CDK14: variants seen among roughly 807,000 people sequenced by gnomAD.
CDK14 encodes the protein cyclin-dependent kinase 14.
CDK14 carries 34 observed loss-of-function variants against 60.7 expected under a neutral mutation model. That is an observed-to-expected ratio of 0.56 (90% confidence interval 0.43 to 0.75). CDK14 has a LOEUF of 0.75. Ranked by LOEUF, CDK14 falls within the 30% of genes least tolerant of loss-of-function variation. The pLI is 0.00. For missense variants in CDK14, 482 were observed against 564.1 expected, an observed-to-expected ratio of 0.85 and a Z score of 1.47; for synonymous variants, 197 against 203.7, an observed-to-expected ratio of 0.97 and a Z score of 0.28.
At chr7:91,037,397 A>C (rs1584254934) in intron 10 of CDK14, among the ~76,000 whole-genome samples, 1 of 152,260 alleles carries the variant, frequency 6.6e-6, no homozygotes, top group East Asian at 1.9e-4. Context: ...ATAGACATAC[A>C]CGTATGTATG....
intron 8 of CDK14, among the ~76,000 whole-genome samples, chr7:90,918,792 A>G (rs533277341): frequency 6.6e-6 from 1 of 152,322 alleles, no homozygotes; most frequent in South Asian, 2.1e-4. Flanking sequence ...TATTTATTTC[A>G]AGGTTAGTAG....
intron 2 of CDK14, chr7:90,608,699 G>A (rs1799472338): frequency 1.0e-5 from 2 of 194,924 alleles, no homozygotes; most frequent in Admixed American, 6.5e-5. Context: ...GGGTGACCGT[G>A]TATGAGTTTT....
chr7:91,054,088 A>ATTTTTTTTTTTTTTTTT (rs10675646), intron 11 of CDK14, among the ~76,000 whole-genome samples: 1 of 112,972 alleles, frequency 8.9e-6, no homozygotes, highest in Non-Finnish European at 1.7e-5. Flanking sequence ...CTGCAAAATA[A>ATTTTTTTTTTTTTTTTT]TTTTTTTTTT....
chr7:90,623,776 CT>C (rs2116380394), intron 2 of CDK14, among the ~76,000 whole-genome samples: 1 of 152,134 alleles, frequency 6.6e-6, no homozygotes, highest in African/African-American at 2.4e-5. Context: ...GTTTTCAAGC[CT>C]TTTATTTAAA....
At chr7:90,774,039 A>T (rs924338682) in intron 4 of CDK14, among the ~76,000 whole-genome samples, 3 of 151,354 alleles carry the variant, frequency 2.0e-5, no homozygotes, top group Non-Finnish European at 4.4e-5. Flanking sequence ...GAGTAGCTGG[A>T]ATTACAGGCG....
intron 10 of CDK14, among the ~76,000 whole-genome samples, chr7:91,008,424 C>G (rs1029817114): frequency 6.6e-6 from 1 of 152,130 alleles, no homozygotes; most frequent in Non-Finnish European, 1.5e-5. Flanking sequence ...TTCTTAAATT[C>G]AGACTGCATT....
Position 91,045,963 on chromosome 7 carries a change from A to G in CDK14, c.1105+3A>G. On this transcript the variant is annotated splice_donor_region_variant and intron_variant, in intron 11 of 14. Coordinates refer to ENST00000380050, the MANE Select transcript of CDK14 (RefSeq NM_001287135.2). ...TTCTTTACCACATTTTAAGCCAGGT[A>G]TGTTTCATTAATTACAGATGACTAG... is the stretch of plus-strand genomic sequence containing the variant. 1 of 1,591,608 alleles carries G rather than the reference A, an allele frequency of 6.3e-7. No homozygotes were observed. The highest frequency in any genetic ancestry group is 8.6e-7 in the Non-Finnish European group (1 of 1,159,572).
intron 4 of CDK14, among the ~76,000 whole-genome samples, chr7:90,772,323 A>G (rs994969187): frequency 6.6e-6 from 1 of 152,224 alleles, no homozygotes; most frequent in African/African-American, 2.4e-5. Context: ...GCCATGAAAC[A>G]TTATGAAAGA....
intron 2 of CDK14, among the ~76,000 whole-genome samples, chr7:90,611,482 A>G (rs919510687): frequency 6.6e-6 from 1 of 152,148 alleles, no homozygotes; most frequent in Non-Finnish European, 1.5e-5. Context: ...CAGCCACATG[A>G]TTTTCCAAGC....
At chr7:90,913,013 G>A (rs1412933735) in intron 7 of CDK14, among the ~76,000 whole-genome samples, 1 of 152,108 alleles carries the variant, frequency 6.6e-6, no homozygotes, top group African/African-American at 2.4e-5. Flanking sequence ...TTCCAATGGT[G>A]TTTACCAGGT....
chr7:90,649,236 GTTTCTTTCTTTCTTTCTTTC>G lies in CDK14; in HGVS notation c.123+45044_123+45063del, dbSNP rs1167505193. On this transcript the variant is annotated intron_variant, in intron 2 of 14. Coordinates refer to ENST00000380050, the MANE Select transcript of CDK14 (RefSeq NM_001287135.2). ...GAGTCAGCAACAGCTCTAGCCTATA[GTTTCTTTCTTTCTTTCTTTC>G]TTTCTTTCTTTCTTTCTTTCTTTCT... Among the ~76,000 whole-genome samples the G allele has an allele frequency of 1.6e-3, 187 of 118,816 alleles. 2 individuals carry two copies. Among genetic ancestry groups the G allele is most frequent in the Admixed American group, 4.0e-3 (46 of 11,376 alleles). The allele number at this position is 118,816 out of a possible 152,430, so 77.9% of individuals were successfully genotyped here.
At chr7:90,627,308 C>T (rs901824653) in intron 2 of CDK14, among the ~76,000 whole-genome samples, 3 of 151,904 alleles carry the variant, frequency 2.0e-5, no homozygotes, top group Non-Finnish European at 4.4e-5. Flanking sequence ...CTCCCAAGCT[C>T]AAGTGATTTT....
Position 90,725,623 on chromosome 7 carries a change from A to G in CDK14, c.124-944A>G, listed in dbSNP as rs117405655. Reference sequence around the variant, plus strand: ...GGGAACTTTTTATAAGAAGAAAAGCATTCTAAAAACAATTTTATTTAGAGT... The same window carrying G: ...GGGAACTTTTTATAAGAAGAAAAGCGTTCTAAAAACAATTTTATTTAGAGT... On this transcript the variant is annotated intron_variant, in intron 2 of 14. Transcript: ENST00000380050. Among the ~76,000 whole-genome samples, 790 of 152,318 alleles carry G rather than the reference A, an allele frequency of 5.2e-3. 3 individuals carry two copies. Among genetic ancestry groups the G allele is most frequent in the Middle Eastern group, 0.01 (3 of 294 alleles).
chr7:90,653,601 A>C (rs1010859071), intron 2 of CDK14, among the ~76,000 whole-genome samples: 1 of 152,088 alleles, frequency 6.6e-6, no homozygotes, highest in Admixed American at 6.6e-5. Flanking sequence ...TGAATGCATC[A>C]TGCCCAATTT....
At chr7:91,113,635 A>G (rs932280561) in intron 13 of CDK14, among the ~76,000 whole-genome samples, 1 of 152,144 alleles carries the variant, frequency 6.6e-6, no homozygotes, top group African/African-American at 2.4e-5. Flanking sequence ...TAATATTTAT[A>G]ATGTGTTTAT....
chr7:90,646,959 C>G (rs193260966), intron 2 of CDK14, among the ~76,000 whole-genome samples: 50 of 152,224 alleles, frequency 3.3e-4, no homozygotes, highest in African/African-American at 8.7e-4. Context: ...TGAACTGACT[C>G]ACACCCTCAT....
At chr7:91,063,752 T>C (rs567901733) in intron 11 of CDK14, among the ~76,000 whole-genome samples, 1 of 152,342 alleles carries the variant, frequency 6.6e-6, no homozygotes, top group East Asian at 1.9e-4. Context: ...GTAGGATAGA[T>C]GAAGCATTTG....
chr7:90,874,780 G>A (rs1018166194), intron 6 of CDK14, among the ~76,000 whole-genome samples: 4 of 150,122 alleles, frequency 2.7e-5, no homozygotes, highest in South Asian at 2.1e-4. Flanking sequence ...CATCCGCCTC[G>A]GCCTCCCAAA....
rs766286525 is a variant in CDK14, at chr7:91,207,932, T to G, written c.*796T>G. 6.6e-6 allele frequency: 1 copy of G among 152,660 alleles called. No individual in the cohort carries two copies. Among genetic ancestry groups the G allele is most frequent in the Admixed American group, 6.5e-5 (1 of 15,286 alleles). 9.5% of individuals were successfully genotyped at this position (152,660 alleles called of 1,614,324 possible). On this transcript the variant is annotated 3_prime_UTR_variant, in exon 15 of 15. Coordinates refer to ENST00000380050, the MANE Select transcript of CDK14 (RefSeq NM_001287135.2). ...TGAGGTAACTTTTTGTGTCTGGGTC[T>G]TGTCAACATCTAATTTTTTTCCATC...
Sources: allele counts gnomAD v4.1 joint callset (sites outside exome capture counted in the v4.1 genomes callset), GRCh38; gene constraint gnomAD v4.1.1; transcripts MANE v1.5; gene names NCBI Gene and HGNC (gene_info 2026-07-23, HGNC 2026-07-21).